CNIH3: variants seen among roughly 807,000 people sequenced by gnomAD.
CNIH3 encodes the protein protein cornichon homolog 3.
In CNIH3, 14 loss-of-function variants were observed where a neutral mutation model predicts 24.1. The ratio of observed to expected loss-of-function variants is 0.58; its 90% CI spans 0.38 to 0.91. CNIH3 has a LOEUF of 0.91. CNIH3 is among the 40% of genes least tolerant of loss of function. The probability of loss-of-function intolerance (pLI) is 0.00; values close to 1 mark genes in which losing one functional copy is unlikely to be tolerated. For synonymous variants in CNIH3, 68 were observed against 73.8 expected (o/e 0.92, Z 0.40); for missense variants, 178 against 196.8 (o/e 0.90, Z 0.57).
intron 3 of CNIH3, among the ~76,000 whole-genome samples, chr1:224,716,455 G>A (rs1688436959): frequency 6.6e-6 from 1 of 152,190 alleles, no homozygotes; most frequent in Non-Finnish European, 1.5e-5. Flanking sequence ...CTGAATGAGT[G>A]AATAAACACA....
chr1:224,722,673 T>G (rs1014057232), intron 3 of CNIH3, among the ~76,000 whole-genome samples: 4 of 151,658 alleles, frequency 2.6e-5, no homozygotes, highest in Non-Finnish European at 5.9e-5. Flanking sequence ...TTGGGGGGAG[T>G]GCAGTCAGCA....
chr1:224,627,043 G>T (rs1392254390), intron 1 of CNIH3, among the ~76,000 whole-genome samples: 1 of 152,136 alleles, frequency 6.6e-6, no homozygotes, highest in East Asian at 1.9e-4. Context: ...AGTGAAGCAG[G>T]GGTGGATGGA....
chr1:224,585,432 C>G (rs1331540698), intron 5 of CNIH3, among the ~76,000 whole-genome samples: 1 of 152,050 alleles, frequency 6.6e-6, no homozygotes, highest in Non-Finnish European at 1.5e-5. Context: ...TACACGTGCC[C>G]AGTAATATAC....
At chr1:224,643,644 C>T (rs979150824) in intron 1 of CNIH3, among the ~76,000 whole-genome samples, 1 of 152,178 alleles carries the variant, frequency 6.6e-6, no homozygotes, top group African/African-American at 2.4e-5. Flanking sequence ...CAGAAAATTA[C>T]ACTCAGAGAC....
chr1:224,535,823 A>C (rs1679260735), intron 2 of CNIH3, among the ~76,000 whole-genome samples: 1 of 152,240 alleles, frequency 6.6e-6, no homozygotes, highest in Non-Finnish European at 1.5e-5. Context: ...GCCTATTCCC[A>C]GAGCTGGGGA....
chr1:224,501,286 A>G (rs1250613925), intron 1 of CNIH3, among the ~76,000 whole-genome samples: 1 of 152,136 alleles, frequency 6.6e-6, no homozygotes, highest in Non-Finnish European at 1.5e-5. Context: ...GGTCATGGGC[A>G]ATAATACTAT....
In CNIH3 at chr1:224,616,707, G is replaced by C. The variant is rs1170017993; in HGVS notation, c.-468G>C. 1.0e-6 allele frequency: 1 copy of C among 992,770 alleles called. No individual in the cohort carries two copies. 61.5% of individuals were successfully genotyped at this position (992,770 alleles called of 1,614,324 possible). On this transcript the variant is annotated 5_prime_UTR_variant, in exon 1 of 6. Coordinates refer to ENST00000272133, the MANE Select transcript of CNIH3 (RefSeq NM_152495.2). ...CTGGACACTATCCGTTTGCGCCCCGGTGGCGCGGGAGGGTCCGGAGCGGAG... is the reference window on the plus strand; with the variant it reads ...CTGGACACTATCCGTTTGCGCCCCGCTGGCGCGGGAGGGTCCGGAGCGGAG...
upstream of CNIH3, among the ~76,000 whole-genome samples, chr1:224,513,326 T>TA (rs58749226): frequency 2.3e-5 from 3 of 133,232 alleles, no homozygotes; most frequent in Admixed American, 7.5e-5. Context: ...TTTTTTTTTT[T>TA]AATTTTTGTA....
At chr1:224,728,398 C>T (rs1689149101) in intron 3 of CNIH3, among the ~76,000 whole-genome samples, 1 of 152,114 alleles carries the variant, frequency 6.6e-6, no homozygotes, top group African/African-American at 2.4e-5. Context: ...CGTGCCCCCT[C>T]CTGCCAGGTG....
intron 1 of CNIH3, among the ~76,000 whole-genome samples, chr1:224,448,984 G>A (rs1350588386): frequency 1.5e-5 from 2 of 136,228 alleles, no homozygotes; most frequent in Non-Finnish European, 3.1e-5. Context: ...TTTTTTTTGA[G>A]ATGGAGTTTC....
Position 224,498,962 on chromosome 1 carries a change from T to C in CNIH3, n.204-16779T>C, listed in dbSNP as rs181444427. ...GGAGCCTCTTCCTGTCCGCAGGCACTGCAAAGCTTTAGCACACCAGTAGCT... is the reference window on the plus strand; with the variant it reads ...GGAGCCTCTTCCTGTCCGCAGGCACCGCAAAGCTTTAGCACACCAGTAGCT... On this transcript the variant is annotated intron_variant and non_coding_transcript_variant, in intron 1 of 5. Coordinates refer to the CNIH3 transcript ENST00000471578. 9.2e-5 allele frequency among the ~76,000 whole-genome samples: 14 copies of C among 152,312 alleles called. No individual in the cohort carries two copies. The East Asian group carries it at 1.9e-3, about 21-fold the overall frequency.
chr1:224,536,331 G>A (rs189420446), intron 2 of CNIH3, among the ~76,000 whole-genome samples: 77 of 119,840 alleles, frequency 6.4e-4, no homozygotes, highest in Admixed American at 2.7e-3. Flanking sequence ...TACTCTTGTC[G>A]CCCAGGCTGG....
chr1:224,719,694 A>G (rs770306488), intron 3 of CNIH3, among the ~76,000 whole-genome samples: 5 of 152,154 alleles, frequency 3.3e-5, no homozygotes, highest in African/African-American at 7.2e-5. Flanking sequence ...AACTGAGCCT[A>G]TTGAGGTTAA....
At chr1:224,654,233 A>G (rs1284408401) in intron 1 of CNIH3, among the ~76,000 whole-genome samples, 1 of 151,778 alleles carries the variant, frequency 6.6e-6, no homozygotes, top group Non-Finnish European at 1.5e-5. Flanking sequence ...AAATACAAAA[A>G]TGAGCCAGTT....
chr1:224,627,588 G>A (rs1683601248), intron 1 of CNIH3, among the ~76,000 whole-genome samples: 1 of 152,156 alleles, frequency 6.6e-6, no homozygotes, highest in Non-Finnish European at 1.5e-5. Flanking sequence ...GTGGCTGGCT[G>A]CAGGAGCCAC....
At chr1:224,601,986 T>C (rs1682229768) in intron 3 of CNIH3, among the ~76,000 whole-genome samples, 1 of 152,246 alleles carries the variant, frequency 6.6e-6, no homozygotes. Flanking sequence ...TATGCTTCCA[T>C]GAAATATTTC....
chr1:224,691,621 A>ATAAATGGTTATTGTTTTAAGGCACTG (rs1553291515), intron 3 of CNIH3, among the ~76,000 whole-genome samples: 7 of 152,252 alleles, frequency 4.6e-5, no homozygotes, highest in South Asian at 2.1e-4. Flanking sequence ...GGGAGCAAGT[A>ATAAATGGTTATTGTTTTAAGGCACTG]TAAATGGTTA....
At chr1:224,708,682 C>T (rs1020576968) in intron 3 of CNIH3, among the ~76,000 whole-genome samples, 7 of 152,170 alleles carry the variant, frequency 4.6e-5, no homozygotes, top group Non-Finnish European at 8.8e-5. Context: ...TGACTAGTCT[C>T]CTGCTCCTCT....
intron 5 of CNIH3, among the ~76,000 whole-genome samples, chr1:224,585,783 C>G (rs1209577094): frequency 6.6e-6 from 1 of 152,160 alleles, no homozygotes; most frequent in Non-Finnish European, 1.5e-5. Context: ...GCCACCGCAC[C>G]TAGCCCATTC....
Sources: allele counts gnomAD v4.1 joint callset (sites outside exome capture counted in the v4.1 genomes callset), GRCh38; gene constraint gnomAD v4.1.1; transcripts MANE v1.5; gene names NCBI Gene and HGNC (gene_info 2026-07-23, HGNC 2026-07-21).